SDR42E1: variants seen among roughly 807,000 people sequenced by gnomAD.
The protein encoded by SDR42E1 is short-chain dehydrogenase/reductase family 42E member 1.
In SDR42E1, 5 loss-of-function variants were observed where a neutral mutation model predicts 2.6. The observed-to-expected ratio is 1.94, with a 90% CI of 1.01 to 4.08. The LOEUF is 4.08. Ranked by LOEUF, SDR42E1 falls within the 30% of genes most tolerant of loss-of-function variation. The pLI is 0.00. For missense variants in SDR42E1, 596 were observed against 478.6 expected, an observed-to-expected ratio of 1.25 and a Z score of -2.29; for synonymous variants, 231 against 188.3, an observed-to-expected ratio of 1.23 and a Z score of -1.86.
chr16:82,009,706 T>G (rs535275155), intron 1 of SDR42E1, among the ~76,000 whole-genome samples: 1 of 152,344 alleles, frequency 6.6e-6, no homozygotes, highest in African/African-American at 2.4e-5. Context: ...CTTTGGAGTG[T>G]GGACTTTTGA....
intron 1 of SDR42E1, among the ~76,000 whole-genome samples, chr16:82,008,572 G>A (rs111278837): frequency 2.0e-5 from 3 of 152,304 alleles, no homozygotes; most frequent in African/African-American, 7.2e-5. Flanking sequence ...AGAGACTGAT[G>A]GCATTTTGTC....
Position 81,995,012 on chromosome 16 carries a change from T to G in SDR42E1, c.*4099A>C, listed in dbSNP as rs76255019. 6.6e-6 allele frequency: 1 copy of G among 152,212 alleles called. No individual in the cohort carries two copies. The highest frequency in any genetic ancestry group is 2.4e-5 in the African/African-American group (1 of 41,444). The allele number at this position is 152,212 out of a possible 1,614,324, so 9.4% of individuals were successfully genotyped here. ...CTTGTAATGTGGCACTGTCTGCCCC[T>G]GTCACCAGAAACGGCACTGAGGACA... On this transcript the variant is annotated 3_prime_UTR_variant, in exon 3 of 3. Coordinates refer to ENST00000328945, the MANE Select transcript of SDR42E1 (RefSeq NM_145168.3).
intron 1 of SDR42E1, among the ~76,000 whole-genome samples, chr16:82,010,053 T>A (rs992863718): frequency 2.6e-5 from 4 of 152,240 alleles, no homozygotes. Flanking sequence ...GTGACTTTGC[T>A]CCTCTTTTGC....
In SDR42E1 at chr16:81,989,327, G is replaced by A. The variant is rs1912375425; in HGVS notation, c.*9784C>T. ...GAGACAGTAGTATGGGGAAAGACATGAACACCACAGCCCTGTTTTCTATAC... is the reference window on the plus strand; with the variant it reads ...GAGACAGTAGTATGGGGAAAGACATAAACACCACAGCCCTGTTTTCTATAC... On this transcript the variant is annotated 3_prime_UTR_variant, in exon 3 of 3. Transcript: ENST00000328945. 1 of 152,158 alleles carries A rather than the reference G, an allele frequency of 6.6e-6. No individual in the cohort carries two copies. The highest frequency in any genetic ancestry group is 2.4e-5 in the African/African-American group (1 of 41,440). The allele number at this position is 152,158 out of a possible 1,614,324, so 9.4% of individuals were successfully genotyped here.
intron 1 of SDR42E1, among the ~76,000 whole-genome samples, chr16:82,004,269 C>A (rs530034084): frequency 6.6e-6 from 1 of 152,252 alleles, no homozygotes; most frequent in African/African-American, 2.4e-5. Flanking sequence ...AGCTTTAGCA[C>A]TACAGGGCCC....
In SDR42E1 at chr16:81,991,346, T is replaced by A. The variant is rs7205983; in HGVS notation, c.*7765A>T. 1 of 152,084 alleles carries A rather than the reference T, an allele frequency of 6.6e-6. No homozygotes were observed. Among genetic ancestry groups the A allele is most frequent in the African/African-American group, 2.4e-5 (1 of 41,352 alleles). The allele number at this position is 152,084 out of a possible 1,614,324, so 9.4% of individuals were successfully genotyped here. A position where few individuals can be genotyped will look rare whatever the true frequency, so the allele number is the denominator to read the frequency against. ...TCATTTTTTGTAACAAATAGTTTAC[T>A]TTAATTGCAAATGAAGTTCGAGTAA... On this transcript the variant is annotated 3_prime_UTR_variant, in exon 3 of 3. Transcript: ENST00000328945.
intron 2 of SDR42E1, chr16:82,000,438 G>A (rs973562485): frequency 7.2e-6 from 5 of 697,654 alleles, no homozygotes; most frequent in African/African-American, 7.1e-5. Flanking sequence ...AAAGAGAGAG[G>A]CCTTATCTTC....
chr16:82,003,762 T>C (rs1597179100), intron 1 of SDR42E1, among the ~76,000 whole-genome samples: 1 of 152,252 alleles, frequency 6.6e-6, no homozygotes, highest in East Asian at 1.9e-4. Context: ...ATTTACTTTT[T>C]ATTATTGATC....
Position 81,997,942 on chromosome 16 carries a change from G to A in SDR42E1, c.*1169C>T, listed in dbSNP as rs1477342459. ...ACAGATACTCTCAAGACTAACTCTAGCAGAACTTTCCACAGTAATGTATCC... is the reference window on the plus strand; with the variant it reads ...ACAGATACTCTCAAGACTAACTCTAACAGAACTTTCCACAGTAATGTATCC... On this transcript the variant is annotated 3_prime_UTR_variant, in exon 3 of 3. Transcript: ENST00000328945. 1.3e-5 allele frequency: 2 copies of A among 152,206 alleles called. No individual in the cohort carries two copies. The highest frequency in any genetic ancestry group is 4.8e-5 in the African/African-American group (2 of 41,454). 9.4% of individuals were successfully genotyped at this position (152,206 alleles called of 1,614,324 possible). A position where few individuals can be genotyped will look rare whatever the true frequency, so the allele number is the denominator to read the frequency against.
Position 81,989,485 on chromosome 16 carries a change from C to T in SDR42E1, c.*9626G>A, listed in dbSNP as rs909975750. 6.6e-6 allele frequency: 1 copy of T among 152,186 alleles called. No individual in the cohort carries two copies. The highest frequency in any genetic ancestry group is 2.4e-5 in the African/African-American group (1 of 41,436). 9.4% of individuals were successfully genotyped at this position (152,186 alleles called of 1,614,324 possible). A position where few individuals can be genotyped will look rare whatever the true frequency, so the allele number is the denominator to read the frequency against. Reference sequence around the variant, plus strand: ...TAGTTACTTTTAAATCTAAGTTACACAGAAGCACTCTGAATGTGTAGAAAT... The same window carrying T: ...TAGTTACTTTTAAATCTAAGTTACATAGAAGCACTCTGAATGTGTAGAAAT... On this transcript the variant is annotated 3_prime_UTR_variant, in exon 3 of 3. Coordinates refer to ENST00000328945, the MANE Select transcript of SDR42E1 (RefSeq NM_145168.3).
chr16:81,994,565 A>G lies in SDR42E1; in HGVS notation c.*4546T>C, dbSNP rs948180664. The G allele has an allele frequency of 5.3e-5, 8 of 152,190 alleles. No individual in the cohort carries two copies. Among genetic ancestry groups the G allele is most frequent in the African/African-American group, 1.9e-4 (8 of 41,438 alleles). 9.4% of individuals were successfully genotyped at this position (152,190 alleles called of 1,614,324 possible). ...AAAGGAGCATGGGGTATCATTCTCT[A>G]AAGTGAGATATGCTGGTGAACAGCA... On this transcript the variant is annotated 3_prime_UTR_variant, in exon 3 of 3. Transcript: ENST00000328945.
intron 1 of SDR42E1, among the ~76,000 whole-genome samples, chr16:82,009,405 C>T (rs1265880336): frequency 1.3e-5 from 2 of 152,240 alleles, no homozygotes; most frequent in African/African-American, 4.8e-5. Flanking sequence ...CCCTGCAAAA[C>T]CACAAGGGTG....
chr16:82,001,019 G>C (rs1327197312), intron 1 of SDR42E1, 135 bp from the exon 2 acceptor site: 6 of 574,898 alleles, frequency 1.0e-5, no homozygotes, highest in Admixed American at 3.3e-5. Flanking sequence ...GGTCACAGCT[G>C]TGTCATTTAG....
Position 81,998,383 on chromosome 16 carries a change from C to G in SDR42E1, c.*728G>C, listed in dbSNP as rs925888542. The stretch of plus-strand genomic sequence containing the variant: ...CAGAAAGTCCAGTAGCAATAGCCCT[C>G]TAAAGAGAACACTGAGGAAGAAAGC... On this transcript the variant is annotated 3_prime_UTR_variant, in exon 3 of 3. Transcript: ENST00000328945. 1 of 152,202 alleles carries G rather than the reference C, an allele frequency of 6.6e-6. No homozygotes were observed. The highest frequency in any genetic ancestry group is 2.4e-5 in the African/African-American group (1 of 41,438). 9.4% of individuals were successfully genotyped at this position (152,202 alleles called of 1,614,324 possible). A position where few individuals can be genotyped will look rare whatever the true frequency, so the allele number is the denominator to read the frequency against.
At position 81,990,031 on chromosome 16, in the gene SDR42E1, G is replaced by C. The variant is rs924172614; in HGVS notation, c.*9080C>G. The C allele has an allele frequency of 6.6e-6, 1 of 152,484 alleles. No individual in the cohort carries two copies. The highest frequency in any genetic ancestry group is 1.5e-5 in the Non-Finnish European group (1 of 68,322). 9.4% of individuals were successfully genotyped at this position (152,484 alleles called of 1,614,324 possible). A position where few individuals can be genotyped will look rare whatever the true frequency, so the allele number is the denominator to read the frequency against. On this transcript the variant is annotated 3_prime_UTR_variant, in exon 3 of 3. Coordinates refer to ENST00000328945, the MANE Select transcript of SDR42E1 (RefSeq NM_145168.3). ...CAAACAAACAAAAAAAACATGGTAG[G>C]CTGGGCACGGTGGCTCATTCCTGTA...
chr16:81,989,542 G>C lies in SDR42E1; in HGVS notation c.*9569C>G, dbSNP rs895341169. 1.3e-5 allele frequency: 2 copies of C among 152,174 alleles called. No individual in the cohort carries two copies. The highest frequency in any genetic ancestry group is 4.8e-5 in the African/African-American group (2 of 41,428). The allele number at this position is 152,174 out of a possible 1,614,324, so 9.4% of individuals were successfully genotyped here. On this transcript the variant is annotated 3_prime_UTR_variant, in exon 3 of 3. Coordinates refer to ENST00000328945, the MANE Select transcript of SDR42E1 (RefSeq NM_145168.3). ...TTGATGATTTTGGGTTGGCTTTCTA[G>C]CCCCACAATTTAAAACCAACACACA...
intron 1 of SDR42E1, among the ~76,000 whole-genome samples, chr16:82,008,022 G>C (rs192339868): frequency 8.7e-4 from 132 of 152,288 alleles, no homozygotes; most frequent in Non-Finnish European, 1.6e-3. Context: ...GGAGGTAATT[G>C]AATCATGGGG....
At chr16:82,000,485 C>T in intron 2 of SDR42E1, 1 of 626,632 alleles carries the variant, frequency 1.6e-6, no homozygotes, top group Non-Finnish European at 2.8e-6. Flanking sequence ...GGTTCTAGGG[C>T]CCACTATCTA....
At position 82,000,201 on chromosome 16, in the gene SDR42E1, T is replaced by C. The variant is rs761670969; in HGVS notation, c.92A>G (p.Asn31Ser). 2.5e-6 allele frequency: 4 copies of C among 1,608,706 alleles called. No homozygotes were observed. Among genetic ancestry groups the C allele is most frequent in the Non-Finnish European group, 3.4e-6 (4 of 1,177,574 alleles). The change falls in exon 3 of 3, where the codon AAT becomes AGT. Residue 31 changes from asparagine (N) to serine (S), a missense_variant. Physicochemically the swap from Asn to Ser is conservative, Grantham distance 46. Coordinates refer to ENST00000328945, the MANE Select transcript of SDR42E1 (RefSeq NM_145168.3). The stretch of plus-strand genomic sequence containing the variant: ...GTCAAACAGAATCACATGGACTCCA[T>C]TTTGGTTCAGGGCACAGCCCAGGCT... ...GFRLGCALNQ[N>S]GVHVILFDIS...
Sources: gnomAD v4.1 joint callset for allele counts (sites outside exome capture counted in the v4.1 genomes callset) on GRCh38, gnomAD v4.1.1 for gene constraint, MANE v1.5 for transcripts, NCBI Gene and HGNC (gene_info 2026-07-23, HGNC 2026-07-21) for gene names.